The following BNC2 variants were observed in gnomAD, a reference collection of about 807,000 sequenced individuals.
BNC2 encodes zinc finger protein basonuclin-2.
Under a neutral mutation model 76.3 loss-of-function variants are expected in BNC2, and 20 were observed. The ratio of observed to expected loss-of-function variants is 0.26; its 90% CI spans 0.18 to 0.38. The LOEUF (loss-of-function observed/expected upper bound fraction) is 0.38, where lower values mean the gene tolerates loss of function less well. Ranked by LOEUF, BNC2 falls within the 10% of genes least tolerant of loss-of-function variation. The pLI is 1.00. For missense variants in BNC2, 1,382 were observed against 1,399.8 expected (o/e 0.99, Z 0.20); for synonymous variants, 582 against 514.8 (o/e 1.13, Z -1.77).
chr9:16,672,003 GGGTGATTGGTCACAAATCTTTTAGT>G (rs1822491638), intron 3 of BNC2, among the ~76,000 whole-genome samples: 1 of 152,114 alleles, frequency 6.6e-6, no homozygotes, highest in Admixed American at 6.5e-5. Flanking sequence ...AATCATTCAT[GGGTGATTGGTCACAAATCTTTTAGT>G]GGTTACTGAT....
chr9:16,748,584 C>T (rs1157256281), intron 1 of BNC2, among the ~76,000 whole-genome samples: 1 of 151,122 alleles, frequency 6.6e-6, no homozygotes, highest in Non-Finnish European at 1.5e-5. Context: ...TGGCTCATGC[C>T]TGTATCCCAG....
Position 16,839,874 on chromosome 9 carries a change from C to A in BNC2, c.3+30772G>T, listed in dbSNP as rs143982023. Among the ~76,000 whole-genome samples the A allele has an allele frequency of 3.4e-3, 524 of 152,064 alleles. 1 individual carries two copies. Among genetic ancestry groups the A allele is most frequent in the African/African-American group, 0.012 (495 of 41,408 alleles). Reference sequence around the variant, plus strand: ...TGTACCTACGTACAAACATGCATGCCTGCAAGCACACACCCACCACCACCC... The same window carrying A: ...TGTACCTACGTACAAACATGCATGCATGCAAGCACACACCCACCACCACCC... On this transcript the variant is annotated intron_variant, in intron 1 of 6. Coordinates refer to ENST00000380672, the MANE Select transcript of BNC2 (RefSeq NM_017637.6).
intron 5 of BNC2, among the ~76,000 whole-genome samples, chr9:16,506,749 GTTTT>G (rs545868832): frequency 0.015 from 2,257 of 149,210 alleles, 57 homozygotes; most frequent in African/African-American, 0.052. Flanking sequence ...TGTTTGTTTG[GTTTT>G]TTTTGTTTGT....
At chr9:16,633,068 G>T (rs1001713944) in intron 3 of BNC2, among the ~76,000 whole-genome samples, 1 of 152,162 alleles carries the variant, frequency 6.6e-6, no homozygotes, top group Non-Finnish European at 1.5e-5. Context: ...TTAATACAAT[G>T]TGGTTTTAAT....
intron 3 of BNC2, among the ~76,000 whole-genome samples, chr9:16,690,586 T>C (rs1248900449): frequency 6.6e-6 from 1 of 152,202 alleles, no homozygotes; most frequent in African/African-American, 2.4e-5. Context: ...AAGGATGGAA[T>C]GACCAGAAAT....
chr9:16,665,132 T>C (rs1441202394), intron 3 of BNC2: 1 of 451,080 alleles, frequency 2.2e-6, no homozygotes, highest in African/African-American at 2.0e-5. Context: ...ACTTTGGAAG[T>C]CCAAGACGGG....
intron 3 of BNC2, among the ~76,000 whole-genome samples, chr9:16,690,904 G>T (rs1823140374): frequency 6.6e-6 from 1 of 152,156 alleles, no homozygotes; most frequent in Non-Finnish European, 1.5e-5. Context: ...GCCACCAGGA[G>T]CTATTTCACT....
chr9:16,552,522 C>T lies in BNC2; in HGVS notation c.669+8G>A. ...CGGACACGGGCGGCGTTCAAGTCCTCTCCCTACCTGAAGGATGTATCCTCG... is the reference window on the plus strand; with the variant it reads ...CGGACACGGGCGGCGTTCAAGTCCTTTCCCTACCTGAAGGATGTATCCTCG... On this transcript the variant is annotated splice_region_variant and intron_variant, in intron 5 of 6. Transcript: ENST00000380672. The T allele has an allele frequency of 6.2e-7, 1 of 1,613,778 alleles. No individual in the cohort carries two copies. The highest frequency in any genetic ancestry group is 1.7e-4 in the Middle Eastern group (1 of 6,056).
intron 5 of BNC2, among the ~76,000 whole-genome samples, chr9:16,501,551 T>G (rs903696639): frequency 6.6e-6 from 1 of 152,112 alleles, no homozygotes. Flanking sequence ...TTCATTAGGG[T>G]TGAGTAGCTC....
rs1199419912 is a variant in BNC2, at chr9:16,416,950, AAAT to A, written c.*2036_*2038del. The stretch of plus-strand genomic sequence containing the variant: ...GTGAATGCTGATGTGAACATAGAAA[AAAT>A]AATTACAAAAACATGAAAAATGGAA... On this transcript the variant is annotated 3_prime_UTR_variant, in exon 7 of 7. Transcript: ENST00000380672. The A allele has an allele frequency of 6.6e-6, 1 of 152,626 alleles. No individual in the cohort carries two copies. Among genetic ancestry groups the A allele is most frequent in the East Asian group, 1.9e-4 (1 of 5,200 alleles). The allele number at this position is 152,626 out of a possible 1,614,324, so 9.5% of individuals were successfully genotyped here. A position where few individuals can be genotyped will look rare whatever the true frequency, so the allele number is the denominator to read the frequency against.
chr9:16,619,589 CATT>C (rs1820807242), intron 3 of BNC2, among the ~76,000 whole-genome samples: 2 of 152,130 alleles, frequency 1.3e-5, no homozygotes, highest in African/African-American at 4.8e-5. Context: ...AACTATTTGA[CATT>C]ATTATTTGGG....
At chr9:16,781,506 C>G (rs2135555057) in intron 1 of BNC2, among the ~76,000 whole-genome samples, 1 of 152,300 alleles carries the variant, frequency 6.6e-6, no homozygotes, top group East Asian at 1.9e-4. Context: ...CCAGGCACAG[C>G]TAGTTTTTTG....
chr9:16,468,459 G>A (rs1821744084), intron 5 of BNC2, among the ~76,000 whole-genome samples: 1 of 151,858 alleles, frequency 6.6e-6, no homozygotes, highest in Admixed American at 6.6e-5. Flanking sequence ...ACAGAGGCAT[G>A]ATCTCGGCTC....
chr9:16,851,232 G>A (rs1192328743), intron 1 of BNC2, among the ~76,000 whole-genome samples: 1 of 152,164 alleles, frequency 6.6e-6, no homozygotes, highest in Non-Finnish European at 1.5e-5. Context: ...CAGCGGCTGG[G>A]TGCAGTGGCT....
At chr9:16,624,026 T>C (rs1820930081) in intron 3 of BNC2, among the ~76,000 whole-genome samples, 1 of 152,200 alleles carries the variant, frequency 6.6e-6, no homozygotes, top group African/African-American at 2.4e-5. Context: ...TCTTAAGATA[T>C]ACCAAATGTA....
At chr9:16,824,920 T>C (rs958255842) in intron 1 of BNC2, among the ~76,000 whole-genome samples, 2 of 152,152 alleles carry the variant, frequency 1.3e-5, no homozygotes, top group African/African-American at 4.8e-5. Context: ...CATACGAAGA[T>C]ACGGTTTGAC....
chr9:16,469,103 T>C (rs1341168978), intron 5 of BNC2, among the ~76,000 whole-genome samples: 1 of 152,220 alleles, frequency 6.6e-6, no homozygotes, highest in Non-Finnish European at 1.5e-5. Context: ...TTTTAAACAC[T>C]GCTAACAAAC....
At chr9:16,713,419 G>A (rs1342961390) in intron 3 of BNC2, among the ~76,000 whole-genome samples, 3 of 145,392 alleles carry the variant, frequency 2.1e-5, no homozygotes, top group East Asian at 2.0e-4. Flanking sequence ...AGGATAACCT[G>A]TAGAAAACCA....
chr9:16,645,609 GT>G (rs1257445901), intron 3 of BNC2, among the ~76,000 whole-genome samples: 1 of 152,124 alleles, frequency 6.6e-6, no homozygotes, highest in African/African-American at 2.4e-5. Context: ...TCACATCCTT[GT>G]CCCATCACAG....
Sources: gnomAD v4.1 joint callset for allele counts (sites outside exome capture counted in the v4.1 genomes callset) on GRCh38, gnomAD v4.1.1 for gene constraint, MANE v1.5 for transcripts, NCBI Gene and HGNC (gene_info 2026-07-23, HGNC 2026-07-21) for gene names.